TENM3: variants seen among roughly 807,000 people sequenced by gnomAD.
TENM3 encodes the protein teneurin-3.
Under a neutral mutation model 255.1 loss-of-function variants are expected in TENM3, and 63 were observed. The ratio of observed to expected loss-of-function variants is 0.25; its 90% CI spans 0.20 to 0.30. The LOEUF is 0.30. TENM3 is among the 10% of genes least tolerant of loss of function. The probability of loss-of-function intolerance (pLI) is 1.00; values close to 1 mark genes in which losing one functional copy is unlikely to be tolerated. For missense variants in TENM3, 2,929 were observed against 3,461.1 expected (o/e 0.85, Z 3.86); for synonymous variants, 1,306 against 1,322.3 (o/e 0.99, Z 0.27).
At chr4:182,387,952 AAAC>A in intron 3 of TENM3, among the ~76,000 whole-genome samples, 1 of 151,884 alleles carries the variant, frequency 6.6e-6, no homozygotes, top group Non-Finnish European at 1.5e-5. Flanking sequence ...AAAAAAAAAA[AAAC>A]CAACAAACGA....
the TENM3 span, among the ~76,000 whole-genome samples, chr4:182,107,592 C>G: frequency 6.6e-6 from 1 of 152,164 alleles, no homozygotes; most frequent in Non-Finnish European, 1.5e-5. Context: ...CTCTTGGAGT[C>G]ACAGAGCTCA....
the TENM3 span, among the ~76,000 whole-genome samples, chr4:181,452,417 T>C: frequency 1.3e-5 from 2 of 152,124 alleles, no homozygotes; most frequent in Non-Finnish European, 2.9e-5. Context: ...GGTAATGGAA[T>C]CCTGGGGGAA....
intron 1 of TENM3, among the ~76,000 whole-genome samples, chr4:182,227,697 G>C (rs968506835): frequency 7.1e-6 from 1 of 139,974 alleles, no homozygotes; most frequent in Non-Finnish European, 1.5e-5. Context: ...CCTTTTTTCA[G>C]TGGCTTCCGG....
At position 182,689,358 on chromosome 4, in the gene TENM3, G is replaced by A. The variant is rs111944768; in HGVS notation, c.2221+1007G>A. 9.2e-3 allele frequency among the ~76,000 whole-genome samples: 1,396 copies of A among 152,256 alleles called. 26 individuals are homozygous for A. Among genetic ancestry groups the A allele is most frequent in the African/African-American group, 0.032 (1,330 of 41,560 alleles). Reference sequence around the variant, plus strand: ...CTTCGCTTTTTTGCTCACAGGATTTGGTTAGCCGGGAACTTTGTCATGGGA... The same window carrying A: ...CTTCGCTTTTTTGCTCACAGGATTTAGTTAGCCGGGAACTTTGTCATGGGA... On this transcript the variant is annotated intron_variant, in intron 12 of 27. Transcript: ENST00000511685.
At chr4:181,578,247 C>A in the TENM3 span, among the ~76,000 whole-genome samples, 1 of 124,588 alleles carries the variant, frequency 8.0e-6, no homozygotes, top group Admixed American at 8.2e-5. Flanking sequence ...TGTTTGTTTT[C>A]CCTCTTGGCC....
intron 3 of TENM3, among the ~76,000 whole-genome samples, chr4:182,430,552 G>A (rs1032628693): frequency 2.6e-5 from 4 of 151,030 alleles, no homozygotes; most frequent in Non-Finnish European, 5.9e-5. Context: ...CATCTCAAAC[G>A]AGAAAAAAGA....
At chr4:181,525,090 T>C in the TENM3 span, among the ~76,000 whole-genome samples, 1 of 152,160 alleles carries the variant, frequency 6.6e-6, no homozygotes, top group Admixed American at 6.5e-5. Flanking sequence ...ATCGAAAGTT[T>C]GACAGGTCAG....
chr4:181,611,499 C>A, the TENM3 span, among the ~76,000 whole-genome samples: 23 of 152,164 alleles, frequency 1.5e-4, no homozygotes, highest in African/African-American at 5.1e-4. Context: ...TATTTTAAGG[C>A]ATATTTTTTA....
chr4:182,650,924 A>ATAT (rs1491428844), intron 5 of TENM3, among the ~76,000 whole-genome samples: 3 of 10,542 alleles, frequency 2.8e-4, no homozygotes, highest in South Asian at 3.3e-3. Context: ...ATATATATAT[A>ATAT]AAACAAAGCT....
intron 24 of TENM3, among the ~76,000 whole-genome samples, chr4:182,775,687 C>T (rs1331143313): frequency 6.6e-6 from 1 of 152,172 alleles, no homozygotes; most frequent in African/African-American, 2.4e-5. Flanking sequence ...AGCGTCACAC[C>T]TGTTCTCAGA....
chr4:182,106,470 C>A, the TENM3 span, among the ~76,000 whole-genome samples: 1 of 152,110 alleles, frequency 6.6e-6, no homozygotes, highest in Non-Finnish European at 1.5e-5. Context: ...AAAATAAAAA[C>A]CAAAAAATAA....
At chr4:182,776,711 A>C (rs1764715351) in intron 24 of TENM3, among the ~76,000 whole-genome samples, 1 of 152,212 alleles carries the variant, frequency 6.6e-6, no homozygotes. Flanking sequence ...GAGGAAACCC[A>C]GTCTGAAGTC....
chr4:181,675,263 TA>T, the TENM3 span, among the ~76,000 whole-genome samples: 1 of 152,122 alleles, frequency 6.6e-6, no homozygotes, highest in Non-Finnish European at 1.5e-5. Context: ...TTATATTTTA[TA>T]AACTGCATTT....
chr4:181,574,768 GC>G, the TENM3 span, among the ~76,000 whole-genome samples: 2 of 152,012 alleles, frequency 1.3e-5, no homozygotes, highest in Non-Finnish European at 1.5e-5. Context: ...ACTGGAGAGG[GC>G]TAACTTAGGA....
intron 3 of TENM3, among the ~76,000 whole-genome samples, chr4:182,475,803 AC>A (rs1332699048): frequency 1.5e-4 from 23 of 152,198 alleles, no homozygotes; most frequent in Admixed American, 3.3e-4. Context: ...TTGAACAATC[AC>A]TCAGATGTGT....
chr4:182,703,415 CA>C (rs1271225068), intron 12 of TENM3, among the ~76,000 whole-genome samples: 1 of 152,194 alleles, frequency 6.6e-6, no homozygotes, highest in Admixed American at 6.5e-5. Flanking sequence ...CACTTCCTTT[CA>C]AAATTTAAAT....
At chr4:182,116,854 T>G in the TENM3 span, among the ~76,000 whole-genome samples, 1 of 152,170 alleles carries the variant, frequency 6.6e-6, no homozygotes, top group Non-Finnish European at 1.5e-5. Flanking sequence ...GTGTGCTTGG[T>G]TTTGTAAGAA....
chr4:181,573,567 T>C, the TENM3 span, among the ~76,000 whole-genome samples: 2 of 152,156 alleles, frequency 1.3e-5, no homozygotes, highest in African/African-American at 4.8e-5. Context: ...AGTGAAAGCA[T>C]GAAATATAGA....
At chr4:182,049,912 T>C in the TENM3 span, among the ~76,000 whole-genome samples, 2 of 152,066 alleles carry the variant, frequency 1.3e-5, no homozygotes, top group Non-Finnish European at 2.9e-5. Context: ...CATTGGCCTG[T>C]AGTTGAGAAA....
Sources: allele counts gnomAD v4.1 joint callset (sites outside exome capture counted in the v4.1 genomes callset), GRCh38; gene constraint gnomAD v4.1.1; transcripts MANE v1.5; gene names NCBI Gene and HGNC (gene_info 2026-07-23, HGNC 2026-07-21).